TBL1XR1: variants seen among roughly 807,000 people sequenced by gnomAD.
The protein encoded by TBL1XR1 is F-box-like/WD repeat-containing protein TBL1XR1.
A neutral mutation model predicts 66.9 loss-of-function variants in TBL1XR1; 5 were observed. The observed-to-expected ratio is 0.07, with a 90% confidence interval of 0.04 to 0.16. The LOEUF (loss-of-function observed/expected upper bound fraction) is 0.16, where lower values mean the gene tolerates loss of function less well. Among genes scored for constraint, TBL1XR1 ranks in the 10% least tolerant of loss-of-function variants. The probability of loss-of-function intolerance (pLI) is 1.00; values close to 1 mark genes in which losing one functional copy is unlikely to be tolerated. For missense variants in TBL1XR1, 238 were observed against 623.2 expected, an observed-to-expected ratio of 0.38 and a Z score of 6.58; for synonymous variants, 210 against 206.0, an observed-to-expected ratio of 1.02 and a Z score of -0.17.
intron 1 of TBL1XR1, among the ~76,000 whole-genome samples, chr3:177,102,013 G>A (rs1032126132): frequency 2.0e-5 from 3 of 148,378 alleles, no homozygotes; most frequent in African/African-American, 7.4e-5. Flanking sequence ...AAACTAATAA[G>A]ATATGGTACA....
chr3:177,106,509 G>A (rs766126500), intron 1 of TBL1XR1, among the ~76,000 whole-genome samples: 1 of 152,180 alleles, frequency 6.6e-6, no homozygotes, highest in Non-Finnish European at 1.5e-5. Flanking sequence ...CGTGGTATCG[G>A]AGGTTAAGAG....
intron 1 of TBL1XR1, among the ~76,000 whole-genome samples, chr3:177,159,491 A>T (rs1731913885): frequency 6.6e-6 from 1 of 152,208 alleles, no homozygotes; most frequent in Admixed American, 6.5e-5. Flanking sequence ...GACAAGCTTG[A>T]TCAAAATAAC....
chr3:177,082,741 TATATATATATATATATA>T (rs1721576753), intron 2 of TBL1XR1, among the ~76,000 whole-genome samples: 1 of 79,512 alleles, frequency 1.3e-5, no homozygotes, highest in Admixed American at 1.5e-4. Context: ...ATAGAGATTA[TATATATATATATATATA>T]TATATATATG....
intron 10 of TBL1XR1, chr3:177,044,868 T>A (rs1716109212): frequency 6.6e-6 from 1 of 152,130 alleles, no homozygotes. Flanking sequence ...ACCATAAACA[T>A]ACTTACTTCA....
chr3:177,114,245 T>C (rs189540110), intron 1 of TBL1XR1, among the ~76,000 whole-genome samples: 8 of 151,296 alleles, frequency 5.3e-5, no homozygotes, highest in African/African-American at 1.2e-4. Context: ...CATATATATA[T>C]ACATCTCATA....
intron 2 of TBL1XR1, among the ~76,000 whole-genome samples, chr3:177,092,830 C>A (rs756493993): frequency 6.6e-6 from 1 of 152,024 alleles, no homozygotes; most frequent in Non-Finnish European, 1.5e-5. Flanking sequence ...GAGATTTGCA[C>A]ATCCATGTTC....
intron 1 of TBL1XR1, among the ~76,000 whole-genome samples, chr3:177,177,226 C>T (rs967558311): frequency 1.3e-5 from 2 of 152,030 alleles, no homozygotes; most frequent in African/African-American, 2.4e-5. Flanking sequence ...CCAAAGCAGG[C>T]GGATCACGAG....
At chr3:177,148,682 G>C (rs1041869936) in intron 1 of TBL1XR1, among the ~76,000 whole-genome samples, 1 of 151,126 alleles carries the variant, frequency 6.6e-6, no homozygotes, top group Non-Finnish European at 1.5e-5. Flanking sequence ...ACTCCAGCCT[G>C]AGCAACAGAA....
At chr3:177,136,294 T>G (rs1318873136) in intron 1 of TBL1XR1, 1 of 151,234 alleles carries the variant, frequency 6.6e-6, no homozygotes, top group Admixed American at 6.6e-5. Context: ...ACCTCTCAAT[T>G]TTTTTTTTCC....
intron 1 of TBL1XR1, among the ~76,000 whole-genome samples, chr3:177,146,787 G>C (rs1277668598): frequency 2.6e-5 from 4 of 151,896 alleles, no homozygotes; most frequent in Non-Finnish European, 4.4e-5. Flanking sequence ...CACTTTGTTT[G>C]AGAAAATATC....
chr3:177,127,351 G>A (rs1727765078), intron 1 of TBL1XR1, among the ~76,000 whole-genome samples: 1 of 152,016 alleles, frequency 6.6e-6, no homozygotes, highest in South Asian at 2.1e-4. Flanking sequence ...ATTCTTCTAC[G>A]ATATAACTCC....
intron 1 of TBL1XR1, among the ~76,000 whole-genome samples, chr3:177,171,860 T>C (rs1359273878): frequency 6.6e-6 from 1 of 151,784 alleles, no homozygotes; most frequent in Non-Finnish European, 1.5e-5. Flanking sequence ...GCTTAAAAAA[T>C]CAAAGGACAG....
At chr3:177,187,799 T>G (rs1735611566) in intron 1 of TBL1XR1, among the ~76,000 whole-genome samples, 1 of 150,918 alleles carries the variant, frequency 6.6e-6, no homozygotes, top group South Asian at 2.1e-4. Context: ...ACATCCGATC[T>G]CAGACAAAAT....
intron 1 of TBL1XR1, among the ~76,000 whole-genome samples, chr3:177,121,489 C>T (rs773687431): frequency 1.6e-4 from 25 of 152,128 alleles, no homozygotes; most frequent in Non-Finnish European, 2.5e-4. Context: ...TGACTTCACA[C>T]GCATCTTTCT....
chr3:177,054,013 C>T, intron 3 of TBL1XR1, 95 bp from the exon 4 acceptor site: 4 of 1,331,418 alleles, frequency 3.0e-6, no homozygotes, highest in Non-Finnish European at 4.1e-6. Flanking sequence ...TTTCAAATCC[C>T]ATCCTACCCA....
upstream of TBL1XR1, among the ~76,000 whole-genome samples, chr3:177,199,736 T>TA (rs948998949): frequency 2.6e-5 from 4 of 152,284 alleles, no homozygotes; most frequent in African/African-American, 9.6e-5. Flanking sequence ...CTGAAGTTCT[T>TA]ATACCCTACA....
rs764319248 is a variant in TBL1XR1 at position 177,051,628 on chromosome 3, A to C, written c.303T>G (p.Asp101Glu). The C allele has an allele frequency of 6.2e-7, 1 of 1,613,484 alleles. No individual in the cohort carries two copies. The highest frequency in any genetic ancestry group is 1.1e-5 in the South Asian group (1 of 91,066). Residue 101 changes from aspartate to glutamate, a missense_variant, in exon 5 of 16, where the codon GAT becomes GAG. Physicochemically the swap from Asp to Glu is conservative, Grantham distance 45. This residue lies in a region of TBL1XR1 where 80 missense variants were observed against 100.5 expected (regional missense o/e 0.80). Coordinates refer to ENST00000457928, the MANE Select transcript of TBL1XR1 (RefSeq NM_024665.7). Reference protein sequence around the residue: ...VVQTRQQAYRDKLAQQQAAAA... With the variant: ...VVQTRQQAYREKLAQQQAAAA... ...CTGCTGCCTGTTGCTGTGCAAGCTT[A>C]TCTCTATAAGCTTGTTGTCTTGTTT...
chr3:177,200,770 C>G (rs1472161227), upstream of TBL1XR1, among the ~76,000 whole-genome samples: 2 of 152,158 alleles, frequency 1.3e-5, no homozygotes, highest in Non-Finnish European at 2.9e-5. Flanking sequence ...TTTTGGGAGG[C>G]TGAGGTGGGC....
At chr3:177,192,739 G>A (rs560154989) in intron 1 of TBL1XR1, among the ~76,000 whole-genome samples, 2 of 152,298 alleles carry the variant, frequency 1.3e-5, no homozygotes, top group South Asian at 4.1e-4. Context: ...CCTATCAGGA[G>A]CAACTTACAC....
Sources: allele counts gnomAD v4.1 joint callset (sites outside exome capture counted in the v4.1 genomes callset), GRCh38; gene constraint gnomAD v4.1.1; regional missense constraint gnomAD v4.1.1; transcripts MANE v1.5; gene names NCBI Gene and HGNC (gene_info 2026-07-23, HGNC 2026-07-21).